GFRA1: variants seen among roughly 807,000 people sequenced by gnomAD.
GFRA1 encodes the protein GDNF family receptor alpha 1.
Under a neutral mutation model 51.6 loss-of-function variants are expected in GFRA1, and 16 were observed. The observed-to-expected ratio is 0.31, with a 90% CI of 0.21 to 0.47. The LOEUF is 0.47. Among genes scored for constraint, GFRA1 ranks in the 20% least tolerant of loss-of-function variants. GFRA1 has a pLI of 1.00. For missense variants in GFRA1, 530 were observed against 594.3 expected, an observed-to-expected ratio of 0.89 and a Z score of 1.13; for synonymous variants, 270 against 241.3, an observed-to-expected ratio of 1.12 and a Z score of -1.10.
intron 5 of GFRA1, among the ~76,000 whole-genome samples, chr10:116,138,064 G>A (rs1239011940): frequency 1.3e-5 from 2 of 152,120 alleles, no homozygotes; most frequent in Non-Finnish European, 2.9e-5. Flanking sequence ...GCCTCCCAAA[G>A]TGCTGGGATT....
chr10:116,082,878 TG>T (rs1175821315), intron 9 of GFRA1, among the ~76,000 whole-genome samples: 2 of 152,180 alleles, frequency 1.3e-5, no homozygotes, highest in Admixed American at 6.5e-5. Flanking sequence ...TCTTCCTTTC[TG>T]GCCCCAGCCT....
At chr10:116,231,208 C>T (rs958158006) in intron 4 of GFRA1, among the ~76,000 whole-genome samples, 2 of 152,156 alleles carry the variant, frequency 1.3e-5, no homozygotes, top group African/African-American at 2.4e-5. Flanking sequence ...CATGAGAAGA[C>T]GACCAACCAG....
At chr10:116,163,263 T>C (rs1256128705) in intron 5 of GFRA1, among the ~76,000 whole-genome samples, 2 of 152,164 alleles carry the variant, frequency 1.3e-5, no homozygotes, top group Non-Finnish European at 2.9e-5. Flanking sequence ...AAAAGACTCA[T>C]GGGAGCTCAG....
At position 116,057,517 on chromosome 10, in the gene GFRA1, AAAC is replaced by A. The variant is rs1954599614; in HGVS notation, c.*6878_*6880del. On this transcript the variant is annotated 3_prime_UTR_variant, in exon 11 of 11. Transcript: ENST00000355422. ...CACCATCCAAAAGAGTACAAGAAAA[AAAC>A]CCCACAGCCTAAATCTCACACAGCT... 6.6e-6 allele frequency: 1 copy of A among 152,220 alleles called. No individual in the cohort carries two copies. The highest frequency in any genetic ancestry group is 2.4e-5 in the African/African-American group (1 of 41,456). The allele number at this position is 152,220 out of a possible 1,614,324, so 9.4% of individuals were successfully genotyped here.
At chr10:116,138,112 T>C (rs908898787) in intron 5 of GFRA1, among the ~76,000 whole-genome samples, 3 of 152,164 alleles carry the variant, frequency 2.0e-5, no homozygotes, top group Admixed American at 1.3e-4. Flanking sequence ...GTATGTATTT[T>C]TTAATGGTGT....
At chr10:116,260,152 G>A (rs906506771) in intron 4 of GFRA1, among the ~76,000 whole-genome samples, 4 of 152,150 alleles carry the variant, frequency 2.6e-5, no homozygotes, top group Non-Finnish European at 2.9e-5. Flanking sequence ...TGGATGGGGC[G>A]GACCCTTGGC....
intron 4 of GFRA1, among the ~76,000 whole-genome samples, chr10:116,234,950 TC>T (rs1966850551): frequency 6.6e-6 from 1 of 152,216 alleles, no homozygotes; most frequent in South Asian, 2.1e-4. Flanking sequence ...CCCCTTTTGT[TC>T]AGCACTTGTC....
chr10:116,066,477 C>T (rs1026340963), intron 9 of GFRA1, among the ~76,000 whole-genome samples: 7 of 152,200 alleles, frequency 4.6e-5, no homozygotes, highest in African/African-American at 1.4e-4. Flanking sequence ...CAACCCTCCA[C>T]TGGGCTTCTA....
intron 6 of GFRA1, among the ~76,000 whole-genome samples, chr10:116,108,776 A>C (rs73367253): frequency 0.011 from 1,699 of 152,288 alleles, 37 homozygotes; most frequent in African/African-American, 0.039. Flanking sequence ...CATCTCCGTC[A>C]CTTTCTATTC....
chr10:116,252,552 A>G (rs1332130315), intron 4 of GFRA1, among the ~76,000 whole-genome samples: 4 of 152,142 alleles, frequency 2.6e-5, no homozygotes, highest in Non-Finnish European at 5.9e-5. Context: ...ATGGTCATGC[A>G]TCTCAGGGTG....
intron 4 of GFRA1, among the ~76,000 whole-genome samples, chr10:116,242,147 A>G (rs1040011310): frequency 4.6e-5 from 1 of 21,600 alleles, no homozygotes; most frequent in Non-Finnish European, 4.2e-3. Context: ...TAACTGCTTC[A>G]TCTCTCTATT....
At chr10:116,159,754 G>A (rs531977154) in intron 5 of GFRA1, among the ~76,000 whole-genome samples, 2 of 152,310 alleles carry the variant, frequency 1.3e-5, no homozygotes, top group African/African-American at 4.8e-5. Flanking sequence ...GCCCTGTGGC[G>A]TGTGGGCCAC....
At chr10:116,273,859 G>A (rs888328215), upstream of GFRA1, among the ~76,000 whole-genome samples, 3 of 152,082 alleles carry the variant, frequency 2.0e-5, no homozygotes, top group Admixed American at 2.0e-4. Context: ...GACCCAGGAC[G>A]CTGGAGCGGC....
At chr10:116,220,539 A>G (rs959605550) in intron 4 of GFRA1, among the ~76,000 whole-genome samples, 2 of 152,240 alleles carry the variant, frequency 1.3e-5, no homozygotes, top group Non-Finnish European at 2.9e-5. Context: ...AATGATAATG[A>G]TCATTACTTG....
intron 4 of GFRA1, chr10:116,226,858 G>A (rs545392631): frequency 9.8e-5 from 28 of 286,798 alleles, no homozygotes; most frequent in Middle Eastern, 1.0e-3. Context: ...TAAGGAGCAC[G>A]CAACATAGAT....
intron 4 of GFRA1, among the ~76,000 whole-genome samples, chr10:116,218,512 A>C (rs4262646): frequency 0.92 from 139,640 of 152,248 alleles, 64,044 homozygotes; most frequent in East Asian, 1. Context: ...GCAGGTCTGT[A>C]TCTCCCGGAG....
At chr10:116,232,982 G>A (rs910702569) in intron 4 of GFRA1, among the ~76,000 whole-genome samples, 1 of 152,134 alleles carries the variant, frequency 6.6e-6, no homozygotes, top group African/African-American at 2.4e-5. Flanking sequence ...TTAAGTGCAG[G>A]CCTAAATCAG....
At chr10:116,253,602 T>C (rs1157527581) in intron 4 of GFRA1, among the ~76,000 whole-genome samples, 1 of 142,774 alleles carries the variant, frequency 7.0e-6, no homozygotes, top group African/African-American at 2.8e-5. Flanking sequence ...AGTGAGACTC[T>C]CTCTCACAAG....
At chr10:116,202,914 A>G (rs7920934) in intron 5 of GFRA1, among the ~76,000 whole-genome samples, 43,258 of 151,928 alleles carry the variant, frequency 0.28, 6,930 homozygotes, top group African/African-American at 0.44. Context: ...GGGGTGCTGA[A>G]AAGAGGTAAA....
Sources: gnomAD v4.1 joint callset for allele counts (sites outside exome capture counted in the v4.1 genomes callset) on GRCh38, gnomAD v4.1.1 for gene constraint, MANE v1.5 for transcripts, NCBI Gene and HGNC (gene_info 2026-07-23, HGNC 2026-07-21) for gene names.